Variants in PCDHGA12 observed in about 807,000 individuals in gnomAD.
PCDHGA12 encodes protocadherin gamma-A12.
A neutral mutation model predicts 61.1 loss-of-function variants in PCDHGA12; 43 were observed. The observed-to-expected ratio is 0.70, with a 90% CI of 0.55 to 0.91. PCDHGA12 has a LOEUF of 0.91. Among genes scored for constraint, PCDHGA12 ranks in the 40% least tolerant of loss-of-function variants. PCDHGA12 has a pLI of 0.00. For missense variants in PCDHGA12, 1,236 were observed against 1,227.7 expected (o/e 1.01, Z -0.10); for synonymous variants, 520 against 542.9 (o/e 0.96, Z 0.59).
chr5:141,511,403 A>C lies in PCDHGA12; in HGVS notation c.*230A>C. On this transcript the variant is annotated 3_prime_UTR_variant, in exon 4 of 4. Coordinates refer to ENST00000252085, the MANE Select transcript of PCDHGA12 (RefSeq NM_003735.3). Reference sequence around the variant, plus strand: ...TCCGCTGGGAACCCCCATCCAATCAACTGCTGTACCCATGGGGGTAGTGGG... The same window carrying C: ...TCCGCTGGGAACCCCCATCCAATCACCTGCTGTACCCATGGGGGTAGTGGG... 8.5e-6 allele frequency: 8 copies of C among 939,018 alleles called. No individual in the cohort carries two copies. The highest frequency in any genetic ancestry group is 1.2e-5 in the Non-Finnish European group (8 of 650,834). The allele number at this position is 939,018 out of a possible 1,614,324, so 58.2% of individuals were successfully genotyped here. A position where few individuals can be genotyped will look rare whatever the true frequency, so the allele number is the denominator to read the frequency against.
At position 141,510,947 on chromosome 5, in the gene PCDHGA12, A is replaced by C; in HGVS notation, c.2573A>C (p.Glu858Ala). Residue 858 changes from glutamate to alanine, a missense_variant and splice_region_variant, in exon 4 of 4, where the codon GAA (glutamate) becomes GCA (alanine). By Grantham distance (107) the Glu-to-Ala change is moderately radical. Transcript: ENST00000252085. ...ACCTGATCTTCCTCTGTCTCTGCAG[A>C]AGCTGCTGATGGGAGCTCCACCCTG... ...LQAMILASAS[E>A]AADGSSTLGG... The C allele has an allele frequency of 6.2e-7, 1 of 1,614,084 alleles. No individual in the cohort carries two copies. Among genetic ancestry groups the C allele is most frequent in the Non-Finnish European group, 8.5e-7 (1 of 1,180,000 alleles).
chr5:141,495,103 C>T (rs1383918796), intron 2 of PCDHGA12, among the ~76,000 whole-genome samples: 2 of 152,132 alleles, frequency 1.3e-5, no homozygotes, highest in Non-Finnish European at 2.9e-5. Context: ...TCGCCACGAC[C>T]GGCACCTTTT....
At chr5:141,494,776 C>T in intron 1 of PCDHGA12, 31 bp from the exon 2 acceptor site, 1 of 1,614,100 alleles carries the variant, frequency 6.2e-7, no homozygotes, top group East Asian at 2.2e-5. Context: ...CTCACGGGTA[C>T]TCAGCCCCTT....
chr5:141,439,629 A>G (rs1262264623), intron 1 of PCDHGA12, among the ~76,000 whole-genome samples: 1 of 152,208 alleles, frequency 6.6e-6, no homozygotes, highest in East Asian at 1.9e-4. Flanking sequence ...CAATCCCCAG[A>G]CATTCCGGCT....
intron 1 of PCDHGA12, among the ~76,000 whole-genome samples, chr5:141,468,089 T>C (rs1349447353): frequency 6.6e-6 from 1 of 151,010 alleles, no homozygotes; most frequent in Non-Finnish European, 1.5e-5. Context: ...CTTTGGGAGG[T>C]TGAGGCAGGC....
intron 1 of PCDHGA12, among the ~76,000 whole-genome samples, chr5:141,454,357 TAGAA>T (rs758087339): frequency 3.5e-4 from 54 of 152,354 alleles, no homozygotes; most frequent in Non-Finnish European, 6.3e-4. Context: ...GATCCAAACT[TAGAA>T]AGGAGTATGG....
Position 141,431,634 on chromosome 5 carries a change from T to C in PCDHGA12, c.875T>C (p.Phe292Ser). 2.5e-6 allele frequency: 4 copies of C among 1,614,238 alleles called. No homozygotes were observed. Among genetic ancestry groups the C allele is most frequent in the Non-Finnish European group, 3.4e-6 (4 of 1,180,044 alleles). ...RYVDDKAAQV[F>S]KLDCNSGTIS... ...GTGGACGACAAGGCGGCCCAAGTTTTCAAACTAGATTGTAATTCAGGGACA... is the reference window on the plus strand; with the variant it reads ...GTGGACGACAAGGCGGCCCAAGTTTCCAAACTAGATTGTAATTCAGGGACA... The change falls in exon 1 of 4, where the codon TTC becomes TCC. Residue 292 changes from phenylalanine to serine, a missense_variant. Phe to Ser is a radical substitution (Grantham distance 155). Coordinates refer to ENST00000252085, the MANE Select transcript of PCDHGA12 (RefSeq NM_003735.3). The surrounding 1 kb of genome is among the most constrained non-coding windows in gnomAD (Gnocchi z 4.8).
At position 141,490,551 on chromosome 5, in the gene PCDHGA12, T is replaced by A; in HGVS notation, c.2425-4256T>A. On this transcript the variant is annotated intron_variant, in intron 1 of 3. Coordinates refer to ENST00000252085, the MANE Select transcript of PCDHGA12 (RefSeq NM_003735.3). This position sits in a 1 kb window ranked among gnomAD's most constrained non-coding sequence, Gnocchi z 5.4. ...CTGGTTCACCTTCCCTACACAAACA[T>A]CTCACCATCAGGCTCAACATTTCAG... is the stretch of plus-strand genomic sequence containing the variant. 1 of 1,614,088 alleles carries A rather than the reference T, an allele frequency of 6.2e-7. No individual in the cohort carries two copies. Among genetic ancestry groups the A allele is most frequent in the East Asian group, 2.2e-5 (1 of 44,874 alleles).
At chr5:141,450,460 TTATA>T (rs1234300844) in intron 1 of PCDHGA12, among the ~76,000 whole-genome samples, 1 of 152,104 alleles carries the variant, frequency 6.6e-6, no homozygotes, top group Non-Finnish European at 1.5e-5. Flanking sequence ...CCTCGTGATT[TTATA>T]TATAGAGTTT....
Position 141,485,244 on chromosome 5 carries a change from T to G in PCDHGA12, c.2425-9563T>G. 5 of 1,614,168 alleles carry G rather than the reference T, an allele frequency of 3.1e-6. No individual in the cohort carries two copies. Among genetic ancestry groups the G allele is most frequent in the Non-Finnish European group, 4.2e-6 (5 of 1,180,006 alleles). On this transcript the variant is annotated intron_variant, in intron 1 of 3. Transcript: ENST00000252085. This position sits in a 1 kb window ranked among gnomAD's most constrained non-coding sequence, Gnocchi z 5.7. Reference sequence around the variant, plus strand: ...ACCCTTTTGTTCCTCTTTTACCACCTGGGTTACGTTTGTGGGCAGATCCGC... The same window carrying G: ...ACCCTTTTGTTCCTCTTTTACCACCGGGGTTACGTTTGTGGGCAGATCCGC...
intron 1 of PCDHGA12, among the ~76,000 whole-genome samples, chr5:141,466,613 C>T (rs772278295): frequency 1.2e-4 from 19 of 152,144 alleles, no homozygotes; most frequent in Non-Finnish European, 2.4e-4. Context: ...TGTAAACTGC[C>T]GTTTTCTTTG....
chr5:141,494,792 C>A lies in PCDHGA12; in HGVS notation c.2425-15C>A. The A allele has an allele frequency of 6.2e-7, 1 of 1,614,132 alleles. No individual in the cohort carries two copies. Among genetic ancestry groups the A allele is most frequent in the East Asian group, 2.2e-5 (1 of 44,878 alleles). Reference sequence around the variant, plus strand: ...TCACGGGTACTCAGCCCCTTTCCCTCTGTTTTCTCCACAGCAAGCCCCGCC... The same window carrying A: ...TCACGGGTACTCAGCCCCTTTCCCTATGTTTTCTCCACAGCAAGCCCCGCC... On this transcript the variant is annotated splice_polypyrimidine_tract_variant and intron_variant, in intron 1 of 3. Transcript: ENST00000252085.
intron 1 of PCDHGA12, among the ~76,000 whole-genome samples, chr5:141,452,868 C>T (rs1339532803): frequency 6.6e-6 from 1 of 152,170 alleles, no homozygotes; most frequent in Non-Finnish European, 1.5e-5. Flanking sequence ...TTTTCTAACT[C>T]CATTTGTAAT....
rs779250544 is a variant in PCDHGA12, at chr5:141,432,639, G to A, written c.1880G>A (p.Arg627His). The A allele has an allele frequency of 1.2e-6, 2 of 1,613,816 alleles. No homozygotes were observed. Among genetic ancestry groups the A allele is most frequent in the Non-Finnish European group, 1.7e-6 (2 of 1,179,934 alleles). Residue 627 changes from arginine (R) to histidine (H), a missense_variant, in exon 1 of 4, where the codon CGC becomes CAC. Coordinates refer to ENST00000252085, the MANE Select transcript of PCDHGA12 (RefSeq NM_003735.3). This position sits in a 1 kb window ranked among gnomAD's most constrained non-coding sequence, Gnocchi z 6.0. Reference sequence around the variant, plus strand: ...GTGGGTCTGCACACGGGCGAGGTGCGCACGGCGCGAGCCCTGCTGGACAGA... The same window carrying A: ...GTGGGTCTGCACACGGGCGAGGTGCACACGGCGCGAGCCCTGCTGGACAGA... ...FSVGLHTGEV[R>H]TARALLDRDA... is the part of the protein sequence containing the mutation.
intron 1 of PCDHGA12, among the ~76,000 whole-genome samples, chr5:141,459,962 C>T (rs994878993): frequency 5.3e-5 from 8 of 152,290 alleles, no homozygotes; most frequent in South Asian, 2.1e-4. Flanking sequence ...CCTGTAATCC[C>T]AGCTACTCAG....
intron 1 of PCDHGA12, among the ~76,000 whole-genome samples, chr5:141,435,375 A>G (rs80179854): frequency 0.034 from 5,131 of 152,264 alleles, 102 homozygotes; most frequent in Middle Eastern, 0.088. Flanking sequence ...TTAAATATAC[A>G]ATATACCGTA....
chr5:141,455,550 G>C lies in PCDHGA12; in HGVS notation c.2424+22367G>C, dbSNP rs1195359804. On this transcript the variant is annotated intron_variant, in intron 1 of 3. Transcript: ENST00000252085. ...ACCAGGCATATCATTCACGTAGCCC[G>C]AGAAAAAGCTGGCCCTCCCACCCCA... 2.0e-5 allele frequency among the ~76,000 whole-genome samples: 3 copies of C among 152,138 alleles called. No individual in the cohort carries two copies. In the South Asian group the frequency reaches 6.2e-4, roughly 32 times the overall value.
intron 1 of PCDHGA12, among the ~76,000 whole-genome samples, chr5:141,438,872 G>T (rs13178044): frequency 0.11 from 16,734 of 151,118 alleles, 1,094 homozygotes; most frequent in African/African-American, 0.17. Flanking sequence ...CATCAAGTTG[G>T]CCAGGCTGCT....
In PCDHGA12 at chr5:141,489,200, G is replaced by A. The variant is rs1483035320; in HGVS notation, c.2425-5607G>A. The A allele has an allele frequency of 2.8e-6, 4 of 1,412,792 alleles. No individual in the cohort carries two copies. The highest frequency in any genetic ancestry group is 3.9e-6 in the Non-Finnish European group (4 of 1,038,374). The allele number at this position is 1,412,792 out of a possible 1,614,324, so 87.5% of individuals were successfully genotyped here. A position where few individuals can be genotyped will look rare whatever the true frequency, so the allele number is the denominator to read the frequency against. On this transcript the variant is annotated intron_variant, in intron 1 of 3. Coordinates refer to ENST00000252085, the MANE Select transcript of PCDHGA12 (RefSeq NM_003735.3). This position sits in a 1 kb window ranked among gnomAD's most constrained non-coding sequence, Gnocchi z 4.5. ...AAGCCCTGGGTCTACCTTGGAGACAGGACAGCACAGACTTACTCTCCACAA... is the reference window on the plus strand; with the variant it reads ...AAGCCCTGGGTCTACCTTGGAGACAAGACAGCACAGACTTACTCTCCACAA...
Sources: allele counts gnomAD v4.1 joint callset (sites outside exome capture counted in the v4.1 genomes callset), GRCh38; gene constraint gnomAD v4.1.1; non-coding constraint Gnocchi (gnomAD v3.1); transcripts MANE v1.5; gene names NCBI Gene and HGNC (gene_info 2026-07-23, HGNC 2026-07-21).